SNRPB: variants seen among roughly 807,000 people sequenced by gnomAD.
SNRPB encodes small nuclear ribonucleoprotein polypeptides B and B1, also known as small nuclear ribonucleoprotein-associated proteins B and B'.
Under a neutral mutation model 26.6 loss-of-function variants are expected in SNRPB, and 5 were observed. That is an observed-to-expected ratio of 0.19 (90% CI 0.10 to 0.39). The LOEUF is 0.39. SNRPB is among the 10% of genes least tolerant of loss of function. SNRPB has a pLI of 1.00. For missense variants in SNRPB, 211 were observed against 311.9 expected (o/e 0.68, Z 2.44); for synonymous variants, 122 against 105.8 (o/e 1.15, Z -0.94).
chr20:2,464,533 T>C (rs1266454513), intron 3 of SNRPB, among the ~76,000 whole-genome samples: 1 of 152,222 alleles, frequency 6.6e-6, no homozygotes, highest in African/African-American at 2.4e-5. Flanking sequence ...TCTGTACTCA[T>C]TTGAGAAAAT....
Position 2,463,049 on chromosome 20 carries a change from C to T in SNRPB, c.559+40G>A, listed in dbSNP as rs778125656. The stretch of plus-strand genomic sequence containing the variant: ...CTCATCATTAATCCAGCTAAGGCAT[C>T]TTCTATCAATTAGCACTGGTCTCCT... On this transcript the variant is annotated intron_variant, in intron 5 of 6. Coordinates refer to ENST00000381342, the MANE Select transcript of SNRPB (RefSeq NM_003091.4). This position sits in a 1 kb window ranked among gnomAD's most constrained non-coding sequence, Gnocchi z 5.0. 6.7e-7 allele frequency: 1 copy of T among 1,498,372 alleles called. No individual in the cohort carries two copies. The highest frequency in any genetic ancestry group is 9.0e-7 in the Non-Finnish European group (1 of 1,117,044). 92.8% of individuals were successfully genotyped at this position (1,498,372 alleles called of 1,614,324 possible).
rs539610830 is a variant in SNRPB at position 2,463,727 on chromosome 20, C to T, written c.420+20G>A. ...TTATTTTAGCCACCAGGAGGTGGTA[C>T]CCTTTCCCCAACTCCTCACCTGTTG... On this transcript the variant is annotated intron_variant, in intron 4 of 6. Transcript: ENST00000381342. This position sits in a 1 kb window ranked among gnomAD's most constrained non-coding sequence, Gnocchi z 5.0. 4 of 1,548,288 alleles carry T rather than the reference C, an allele frequency of 2.6e-6. No homozygotes were observed. Among genetic ancestry groups the T allele is most frequent in the Non-Finnish European group, 2.6e-6 (3 of 1,149,486 alleles).
At chr20:2,470,659 C>T (rs1296766757) in intron 1 of SNRPB, 29 bp downstream of exon 1, 2 of 1,613,558 alleles carry the variant, frequency 1.2e-6, no homozygotes, top group Admixed American at 3.3e-5. Flanking sequence ...CTCGGAAGCT[C>T]CCGCGCCGCC....
intron 6 of SNRPB, 99 bp downstream of exon 6, chr20:2,462,537 G>A: frequency 9.3e-7 from 1 of 1,077,390 alleles, no homozygotes; most frequent in South Asian, 1.2e-5. Flanking sequence ...TTTAAGGCTT[G>A]AAAGCCCATG....
At chr20:2,469,394 T>C (rs767339735) in intron 1 of SNRPB, among the ~76,000 whole-genome samples, 1 of 152,160 alleles carries the variant, frequency 6.6e-6, no homozygotes, top group Non-Finnish European at 1.5e-5. Context: ...ATTTTGCTGG[T>C]TAAAATCCTT....
intron 3 of SNRPB, 57 bp downstream of exon 3, chr20:2,465,651 G>C (rs2085068015): frequency 8.5e-7 from 1 of 1,174,392 alleles, no homozygotes. Flanking sequence ...ATCTAACACA[G>C]AGCCTGGCTC....
chr20:2,467,387 A>G, intron 2 of SNRPB: 1 of 638,890 alleles, frequency 1.6e-6, no homozygotes, highest in Non-Finnish European at 2.8e-6. Flanking sequence ...CAAAAAGCCT[A>G]GCAGCCCTTC....
Position 2,470,783 on chromosome 20 carries a change from G to A in SNRPB, c.-93C>T. ...AGCCGATTTCCCGCCGCCGCTACCG[G>A]AAATGCAGCACCACGTAAAATGCGG... On this transcript the variant is annotated 5_prime_UTR_variant, in exon 1 of 7. Coordinates refer to ENST00000381342, the MANE Select transcript of SNRPB (RefSeq NM_003091.4). The A allele has an allele frequency of 1.3e-6, 2 of 1,487,522 alleles. No homozygotes were observed. Among genetic ancestry groups the A allele is most frequent in the South Asian group, 1.1e-5 (1 of 88,226 alleles). The allele number at this position is 1,487,522 out of a possible 1,614,324, so 92.1% of individuals were successfully genotyped here.
chr20:2,470,483 C>T (rs1181409710), intron 1 of SNRPB, among the ~76,000 whole-genome samples: 2 of 152,130 alleles, frequency 1.3e-5, no homozygotes, highest in Admixed American at 1.3e-4. Flanking sequence ...CCTCGGCCTC[C>T]GACACCGGTT....
intron 1 of SNRPB, among the ~76,000 whole-genome samples, chr20:2,467,995 T>C (rs2085086082): frequency 6.6e-6 from 1 of 152,216 alleles, no homozygotes; most frequent in Non-Finnish European, 1.5e-5. Context: ...GTCTTTCTCA[T>C]ATTATAATTG....
chr20:2,467,598 A>C lies in SNRPB; in HGVS notation c.155+9T>G, dbSNP rs1197848046. 1 of 1,612,686 alleles carries C rather than the reference A, an allele frequency of 6.2e-7. No homozygotes were observed. The highest frequency in any genetic ancestry group is 8.5e-7 in the Non-Finnish European group (1 of 1,179,346). On this transcript the variant is annotated intron_variant, in intron 2 of 6. Coordinates refer to ENST00000381342, the MANE Select transcript of SNRPB (RefSeq NM_003091.4). ...CTCCAGTCTCCGCCCCCCACAGTCC[A>C]CTCCTCACTTGATCTTTCTGAACTC...
At chr20:2,465,882 TGGC>T in intron 2 of SNRPB, 63 bp from the exon 3 acceptor site, 1 of 1,247,092 alleles carries the variant, frequency 8.0e-7, no homozygotes, top group Non-Finnish European at 1.2e-6. Flanking sequence ...ACCTGCCTAG[TGGC>T]CTCCAAGATT....
Position 2,463,303 on chromosome 20 carries a change from A to AGG in SNRPB, c.421-77_421-76insCC. ...TCCCACTCTCCTCCCCAACTTGGGG[A>AGG]AGGACAGTGGGAAATAACAGACACC... On this transcript the variant is annotated intron_variant, in intron 4 of 6. Transcript: ENST00000381342. This position sits in a 1 kb window ranked among gnomAD's most constrained non-coding sequence, Gnocchi z 5.0. 4.3e-6 allele frequency: 5 copies of AGG among 1,160,342 alleles called. No homozygotes were observed. The highest frequency in any genetic ancestry group is 6.5e-6 in the Non-Finnish European group (5 of 769,374). The allele number at this position is 1,160,342 out of a possible 1,614,324, so 71.9% of individuals were successfully genotyped here. A position where few individuals can be genotyped will look rare whatever the true frequency, so the allele number is the denominator to read the frequency against.
chr20:2,470,284 CTT>C (rs11470599), intron 1 of SNRPB, among the ~76,000 whole-genome samples: 27,006 of 143,384 alleles, frequency 0.19, 2,740 homozygotes, highest in East Asian at 0.29. Context: ...TCCGCCAACT[CTT>C]TCTCAGACTC....
intron 1 of SNRPB, among the ~76,000 whole-genome samples, chr20:2,468,967 C>T (rs2085092847): frequency 6.6e-6 from 1 of 152,106 alleles, no homozygotes; most frequent in African/African-American, 2.4e-5. Context: ...AAAGATACTG[C>T]GAGCCTCCCT....
Position 2,463,118 on chromosome 20 carries a change from G to T in SNRPB, c.530C>A (p.Pro177Gln), listed in dbSNP as rs759220904. Residue 177 changes from proline to glutamine, a missense_variant, in exon 5 of 7, where the codon CCA (proline) becomes CAA (glutamine). Physicochemically the swap from Pro to Gln is moderately conservative, Grantham distance 76. Coordinates refer to ENST00000381342, the MANE Select transcript of SNRPB (RefSeq NM_003091.4). This position sits in a 1 kb window ranked among gnomAD's most constrained non-coding sequence, Gnocchi z 5.0. Reference sequence around the variant, plus strand: ...AGGGGGTGCTCCTCGGCCCATAGGTGGGGGAGGACCCCCACGGCCAGGTGG... The same window carrying T: ...AGGGGGTGCTCCTCGGCCCATAGGTTGGGGAGGACCCCCACGGCCAGGTGG... ...QYPPGRGGPP[P>Q]PMGRGAPPPG... 29 of 1,600,680 alleles carry T rather than the reference G, an allele frequency of 1.8e-5. No homozygotes were observed. The highest frequency in any genetic ancestry group is 9.4e-5 in the African/African-American group (7 of 74,626).
chr20:2,467,718 T>C lies in SNRPB; in HGVS notation c.44A>G (p.Tyr15Cys). ...GTCCTGCAGGATGCACCTCATCCTGTAATCAATATGCTGCAGCATCTTGCT... is the reference window on the plus strand; with the variant it reads ...GTCCTGCAGGATGCACCTCATCCTGCAATCAATATGCTGCAGCATCTTGCT... Reference protein sequence around the residue: ...KSSKMLQHIDYRMRCILQDGR... With the variant: ...KSSKMLQHIDCRMRCILQDGR... The change falls in exon 2 of 7, where the codon TAC becomes TGC. Residue 15 changes from tyrosine (Y) to cysteine (C), a missense_variant. By Grantham distance (194) the Tyr-to-Cys change is radical. Coordinates refer to ENST00000381342, the MANE Select transcript of SNRPB (RefSeq NM_003091.4). 1 of 1,613,962 alleles carries C rather than the reference T, an allele frequency of 6.2e-7. No homozygotes were observed. Among genetic ancestry groups the C allele is most frequent in the Non-Finnish European group, 8.5e-7 (1 of 1,179,826 alleles).
At chr20:2,464,254 C>A (rs1348259954) in intron 3 of SNRPB, among the ~76,000 whole-genome samples, 1 of 152,220 alleles carries the variant, frequency 6.6e-6, no homozygotes, top group African/African-American at 2.4e-5. Flanking sequence ...TTCTAATCCG[C>A]TAGGTGACAA....
Position 2,467,590 on chromosome 20 carries a change from C to A in SNRPB, c.155+17G>T, listed in dbSNP as rs564771989. 11 of 1,612,042 alleles carry A rather than the reference C, an allele frequency of 6.8e-6. No homozygotes were observed. Among genetic ancestry groups the A allele is most frequent in the African/African-American group, 5.3e-5 (4 of 74,874 alleles). ...TTCCCATCCTCCAGTCTCCGCCCCC[C>A]ACAGTCCACTCCTCACTTGATCTTT... is the stretch of plus-strand genomic sequence containing the variant. On this transcript the variant is annotated intron_variant, in intron 2 of 6. Coordinates refer to ENST00000381342, the MANE Select transcript of SNRPB (RefSeq NM_003091.4).
Sources: allele counts gnomAD v4.1 joint callset (sites outside exome capture counted in the v4.1 genomes callset), GRCh38; gene constraint gnomAD v4.1.1; non-coding constraint Gnocchi (gnomAD v3.1); transcripts MANE v1.5; gene names NCBI Gene and HGNC (gene_info 2026-07-23, HGNC 2026-07-21).